BCL2L1: variants seen among roughly 807,000 people sequenced by gnomAD.
The protein encoded by BCL2L1 is bcl-2-like protein 1.
A neutral mutation model predicts 18.7 loss-of-function variants in BCL2L1; 1 was observed. The observed-to-expected ratio is 0.05, with a 90% CI of 0.02 to 0.25. The LOEUF is 0.25. BCL2L1 is among the 10% of genes least tolerant of loss of function. BCL2L1 has a pLI of 1.00. For synonymous variants in BCL2L1, 103 were observed against 122.7 expected (o/e 0.84, Z 1.06); for missense variants, 207 against 304.9 (o/e 0.68, Z 2.39).
intron 2 of BCL2L1, 110 bp from the exon 3 acceptor site, chr20:31,666,196 G>A (rs1464926380): frequency 7.3e-7 from 1 of 1,376,738 alleles, no homozygotes; most frequent in East Asian, 2.3e-5. Context: ...AAAAACTGTA[G>A]CCATCTGTGC....
chr20:31,722,322 G>A lies in BCL2L1; in HGVS notation c.-104C>T, dbSNP rs2122882006. 4 of 863,330 alleles carry A rather than the reference G, an allele frequency of 4.6e-6. No individual in the cohort carries two copies. The highest frequency in any genetic ancestry group is 4.9e-6 in the Non-Finnish European group (3 of 614,016). 53.5% of individuals were successfully genotyped at this position (863,330 alleles called of 1,614,324 possible). A position where few individuals can be genotyped will look rare whatever the true frequency, so the allele number is the denominator to read the frequency against. On this transcript the variant is annotated 5_prime_UTR_variant, in exon 2 of 3. Transcript: ENST00000307677. ...ATTCTCTTCTAAGATCCAAAGCCAA[G>A]ATAAGATTCTGAAGGGAGAGAAAGA... is the stretch of plus-strand genomic sequence containing the variant.
chr20:31,670,812 G>A (rs6142446), intron 2 of BCL2L1, among the ~76,000 whole-genome samples: 2 of 152,150 alleles, frequency 1.3e-5, no homozygotes, highest in African/African-American at 4.8e-5. Flanking sequence ...GGTATATTTA[G>A]CCCATGGTTC....
intron 2 of BCL2L1, among the ~76,000 whole-genome samples, chr20:31,678,118 G>A (rs911461327): frequency 6.6e-6 from 1 of 152,236 alleles, no homozygotes; most frequent in South Asian, 2.1e-4. Flanking sequence ...CTTTTGCACT[G>A]TGCTGAGGCA....
chr20:31,692,462 T>C (rs751807951), intron 2 of BCL2L1, among the ~76,000 whole-genome samples: 4 of 152,330 alleles, frequency 2.6e-5, no homozygotes, highest in Admixed American at 1.3e-4. Context: ...AAACACAGCA[T>C]AATACCTAAA....
At chr20:31,715,829 G>T (rs541565998) in intron 2 of BCL2L1, among the ~76,000 whole-genome samples, 2 of 152,184 alleles carry the variant, frequency 1.3e-5, no homozygotes, top group African/African-American at 2.4e-5. Flanking sequence ...TTACCAGAGA[G>T]ACTTTTTATT....
At chr20:31,702,701 C>T (rs931836689) in intron 2 of BCL2L1, among the ~76,000 whole-genome samples, 19 of 150,204 alleles carry the variant, frequency 1.3e-4, no homozygotes, top group African/African-American at 3.4e-4. Context: ...TTAGTAGAGA[C>T]GGGTTTCTCC....
chr20:31,680,590 G>A (rs920484624), intron 2 of BCL2L1, among the ~76,000 whole-genome samples: 11 of 152,208 alleles, frequency 7.2e-5, no homozygotes, highest in African/African-American at 1.7e-4. Context: ...GATGGGACAT[G>A]ACCTATTTGT....
At position 31,722,283 on chromosome 20, in the gene BCL2L1, G is replaced by C. The variant is rs945365290; in HGVS notation, c.-65C>G. 6.6e-6 allele frequency: 8 copies of C among 1,204,348 alleles called. No individual in the cohort carries two copies. In the Admixed American group the frequency reaches 1.1e-4, roughly 16 times the overall value. The allele number at this position is 1,204,348 out of a possible 1,614,324, so 74.6% of individuals were successfully genotyped here. A position where few individuals can be genotyped will look rare whatever the true frequency, so the allele number is the denominator to read the frequency against. The stretch of plus-strand genomic sequence containing the variant: ...AACACCTGCTCACTCACTGAGTCTC[G>C]TCTCTGGTTAGTGATTCTCTTCTAA... On this transcript the variant is annotated 5_prime_UTR_variant, in exon 2 of 3. Transcript: ENST00000307677.
intron 2 of BCL2L1, among the ~76,000 whole-genome samples, chr20:31,677,934 G>T (rs1285732123): frequency 1.3e-5 from 2 of 152,200 alleles, no homozygotes; most frequent in Non-Finnish European, 2.9e-5. Flanking sequence ...GAGGAGGGAA[G>T]AGAAGAAAGG....
At chr20:31,687,105 G>A (rs2122583075) in intron 2 of BCL2L1, among the ~76,000 whole-genome samples, 1 of 152,218 alleles carries the variant, frequency 6.6e-6, no homozygotes, top group African/African-American at 2.4e-5. Flanking sequence ...ATCATATGAA[G>A]TCAGGAGTTT....
At chr20:31,707,229 G>A (rs2061380860) in intron 2 of BCL2L1, among the ~76,000 whole-genome samples, 1 of 152,142 alleles carries the variant, frequency 6.6e-6, no homozygotes, top group Non-Finnish European at 1.5e-5. Flanking sequence ...TGTGAGCCAA[G>A]GCCCCAAGCT....
rs558994596 is a variant in BCL2L1, at chr20:31,707,608, G to A, written c.564+14047C>T. Among the ~76,000 whole-genome samples the A allele has an allele frequency of 2.6e-4, 39 of 151,822 alleles. 1 individual carries two copies. The highest frequency in any genetic ancestry group is 7.7e-4 in the African/African-American group (32 of 41,410). The stretch of plus-strand genomic sequence containing the variant: ...AGCCTGATCAACATGGAGAAACCCC[G>A]TCTCTACTAAAAAAACAAAATTAGC... On this transcript the variant is annotated intron_variant, in intron 2 of 2. Coordinates refer to ENST00000307677, the MANE Select transcript of BCL2L1 (RefSeq NM_138578.3).
At chr20:31,673,378 C>T (rs2060704496) in intron 2 of BCL2L1, among the ~76,000 whole-genome samples, 1 of 151,586 alleles carries the variant, frequency 6.6e-6, no homozygotes, top group Admixed American at 6.6e-5. Context: ...CCAGCCCTTA[C>T]TTGTTAACAG....
chr20:31,679,652 T>C (rs528066353), intron 2 of BCL2L1, among the ~76,000 whole-genome samples: 105 of 152,186 alleles, frequency 6.9e-4, no homozygotes, highest in African/African-American at 1.9e-3. Flanking sequence ...GCTGCTGCTG[T>C]TGTTATTATT....
rs535512140 is a variant in BCL2L1 at position 31,702,086 on chromosome 20, C to T, written c.564+19569G>A. On this transcript the variant is annotated intron_variant, in intron 2 of 2. Coordinates refer to ENST00000307677, the MANE Select transcript of BCL2L1 (RefSeq NM_138578.3). ...TTAGAAATAGCATGGCTACTTTAAA[C>T]TGAAGGTCAAGGAAAGTCTCTCAGA... Among the ~76,000 whole-genome samples the T allele has an allele frequency of 2.6e-5, 4 of 152,284 alleles. No homozygotes were observed. In the South Asian group the frequency reaches 8.3e-4, roughly 32 times the overall value.
intron 2 of BCL2L1, among the ~76,000 whole-genome samples, chr20:31,689,389 G>C: frequency 7.4e-6 from 1 of 135,872 alleles, no homozygotes; most frequent in Non-Finnish European, 1.6e-5. Flanking sequence ...CCAGGAGTTC[G>C]AAACCAGCCT....
intron 2 of BCL2L1, chr20:31,713,404 G>A (rs866034933): frequency 6.1e-5 from 60 of 985,244 alleles, no homozygotes; most frequent in African/African-American, 2.3e-4. Context: ...TTTGGGGGGC[G>A]GACCTCTAGG....
intron 2 of BCL2L1, among the ~76,000 whole-genome samples, chr20:31,715,984 A>G (rs1301821550): frequency 6.6e-6 from 1 of 152,080 alleles, no homozygotes. Context: ...GACCACAGAC[A>G]CACGCCACCA....
chr20:31,669,971 C>G (rs2060642401), intron 2 of BCL2L1, among the ~76,000 whole-genome samples: 1 of 152,202 alleles, frequency 6.6e-6, no homozygotes, highest in Admixed American at 6.5e-5. Flanking sequence ...AGGGAACACT[C>G]AGCAAACAGA....
Sources: allele counts gnomAD v4.1 joint callset (sites outside exome capture counted in the v4.1 genomes callset), GRCh38; gene constraint gnomAD v4.1.1; transcripts MANE v1.5; gene names NCBI Gene and HGNC (gene_info 2026-07-23, HGNC 2026-07-21).